Variants in TKT observed in about 807,000 individuals in gnomAD.
TKT encodes the protein transketolase.
Under a neutral mutation model 63.9 loss-of-function variants are expected in TKT, and 47 were observed. The ratio of observed to expected loss-of-function variants is 0.74; its 90% CI spans 0.58 to 0.94. The LOEUF is 0.94. TKT is among the 40% of genes least tolerant of loss of function. The pLI, the probability that TKT is intolerant of heterozygous loss-of-function variation, is 0.00. For synonymous variants in TKT, 338 were observed against 334.1 expected (o/e 1.01, Z -0.13); for missense variants, 721 against 846.2 (o/e 0.85, Z 1.84).
intron 9 of TKT, 62 bp downstream of exon 9, chr3:53,229,218 C>T (rs1272392526): frequency 6.2e-7 from 1 of 1,613,122 alleles, no homozygotes; most frequent in African/African-American, 1.3e-5. Context: ...CCATCCCCCT[C>T]CCATACCTCC....
At chr3:53,244,035 G>A (rs1461340466) in intron 1 of TKT, among the ~76,000 whole-genome samples, 2 of 152,184 alleles carry the variant, frequency 1.3e-5, no homozygotes, top group African/African-American at 2.4e-5. Context: ...TCTGTGTGTG[G>A]CAGAAGCACA....
At chr3:53,255,182 C>G (rs1705932099) in intron 1 of TKT, among the ~76,000 whole-genome samples, 1 of 152,272 alleles carries the variant, frequency 6.6e-6, no homozygotes, top group Non-Finnish European at 1.5e-5. Context: ...GGCGTCTCAG[C>G]AGCCCCCTGC....
intron 4 of TKT, chr3:53,238,064 G>C (rs1464091607): frequency 6.6e-6 from 1 of 152,282 alleles, no homozygotes; most frequent in Non-Finnish European, 1.5e-5. Context: ...TGCCTGGCCT[G>C]ACATGATAAT....
Position 53,235,153 on chromosome 3 carries a change from C to A in TKT, c.459G>T (p.Leu153=). The A allele has an allele frequency of 6.2e-7, 1 of 1,612,590 alleles. No individual in the cohort carries two copies. Among genetic ancestry groups the A allele is most frequent in the Non-Finnish European group, 8.5e-7 (1 of 1,179,382 alleles). Residue 153 remains leucine (L), a synonymous_variant, in exon 5 of 14, where the codon CTG becomes CTT. Transcript: ENST00000462138. ...AGCCCTCTGACAGCTCCCCGTCTCC[C>A]AGCAAGCAATAGACTCGGTAGCTGT... ...DKASYRVYCL[L]GDGELSEGSV... is the part of the protein sequence containing the mutation.
intron 4 of TKT, among the ~76,000 whole-genome samples, chr3:53,239,457 T>C (rs9284890): frequency 0.49 from 73,873 of 151,880 alleles, 18,396 homozygotes; most frequent in Admixed American, 0.57. Flanking sequence ...TACAGGTGTG[T>C]ACCACCATGC....
chr3:53,237,532 A>T (rs1206618461), intron 4 of TKT, among the ~76,000 whole-genome samples: 18 of 149,518 alleles, frequency 1.2e-4, no homozygotes, highest in Admixed American at 2.0e-4. Flanking sequence ...ACACACACAC[A>T]CACTGGGATT....
intron 5 of TKT, chr3:53,234,505 AC>A (rs1704919578): frequency 6.6e-6 from 1 of 152,584 alleles, no homozygotes; most frequent in Non-Finnish European, 1.5e-5. Context: ...TGAATTTGTA[AC>A]CAATCAAGGC....
At chr3:53,232,826 A>G (rs1704829133) in intron 6 of TKT, 1 of 411,046 alleles carries the variant, frequency 2.4e-6, no homozygotes. Flanking sequence ...GGCAGAGCAC[A>G]CACAGCTGCA....
At chr3:53,246,337 G>A (rs1242993429) in intron 1 of TKT, among the ~76,000 whole-genome samples, 1 of 152,110 alleles carries the variant, frequency 6.6e-6, no homozygotes, top group African/African-American at 2.4e-5. Context: ...GTTTGCAATT[G>A]CAAGACCTGG....
Position 53,225,139 on chromosome 3 carries a change from T to A in TKT, c.*617A>T, listed in dbSNP as rs17306163. Reference sequence around the variant, plus strand: ...GAGGGGGACAGTTCCACACTTGGGATTGAGGACCTCTCATGCCATCCTGAG... The same window carrying A: ...GAGGGGGACAGTTCCACACTTGGGAATGAGGACCTCTCATGCCATCCTGAG... On this transcript the variant is annotated 3_prime_UTR_variant, in exon 14 of 14. Coordinates refer to ENST00000462138, the MANE Select transcript of TKT (RefSeq NM_001064.4). The A allele has an allele frequency of 0.17, 25,667 of 152,232 alleles. 2,836 individuals carry two copies. Among genetic ancestry groups the A allele is most frequent in the Middle Eastern group, 0.25 (74 of 294 alleles). 9.4% of individuals were successfully genotyped at this position (152,232 alleles called of 1,614,324 possible).
intron 10 of TKT, 118 bp downstream of exon 10, chr3:53,228,889 C>G: frequency 2.8e-6 from 4 of 1,428,066 alleles, no homozygotes; most frequent in Non-Finnish European, 3.8e-6. Context: ...ACACGAACAC[C>G]AGGGGCAAGG....
Position 53,225,590 on chromosome 3 carries a change from TTC to T in TKT, c.*164_*165del. On this transcript the variant is annotated 3_prime_UTR_variant, in exon 14 of 14. Transcript: ENST00000462138. ...CTCCCTAGCGCACCCTCCACGCTTC[TTC>T]CCCAGAACCTGCACTGGCTGCAAAC... is the stretch of plus-strand genomic sequence containing the variant. The T allele has an allele frequency of 2.3e-6, 2 of 855,626 alleles. No individual in the cohort carries two copies. Among genetic ancestry groups the T allele is most frequent in the Non-Finnish European group, 3.4e-6 (2 of 585,986 alleles). 53.0% of individuals were successfully genotyped at this position (855,626 alleles called of 1,614,324 possible).
At chr3:53,238,411 CTG>C (rs1469036403) in intron 4 of TKT, among the ~76,000 whole-genome samples, 2 of 152,254 alleles carry the variant, frequency 1.3e-5, no homozygotes, top group East Asian at 1.9e-4. Flanking sequence ...TGAAAGCAAA[CTG>C]TGGTCAGGTG....
At chr3:53,228,781 T>C (rs2106662345) in intron 10 of TKT, 2 of 642,666 alleles carry the variant, frequency 3.1e-6, no homozygotes, top group South Asian at 3.8e-5. Flanking sequence ...CTGCCAGGAT[T>C]CTCAGCAGAG....
chr3:53,242,293 G>C (rs1553680102), intron 1 of TKT, 51 bp from the exon 2 acceptor site: 2 of 1,564,400 alleles, frequency 1.3e-6, no homozygotes, highest in Non-Finnish European at 1.8e-6. Flanking sequence ...CTGCACTCCT[G>C]AGCTATTGTG....
chr3:53,241,373 A>G (rs557994479), intron 2 of TKT, 128 bp from the exon 3 acceptor site: 2 of 735,370 alleles, frequency 2.7e-6, no homozygotes, highest in East Asian at 3.2e-5. Context: ...CAGGGGAGGA[A>G]GCAAGTGAAG....
intron 7 of TKT, 32 bp from the exon 8 acceptor site, chr3:53,230,653 C>A: frequency 6.2e-7 from 1 of 1,613,190 alleles, no homozygotes; most frequent in Non-Finnish European, 8.5e-7. Flanking sequence ...GGCTCTGGAC[C>A]CCTCTGAGGG....
chr3:53,233,075 C>T (rs1396262621), intron 6 of TKT, 81 bp downstream of exon 6: 9 of 1,238,732 alleles, frequency 7.3e-6, no homozygotes, highest in Middle Eastern at 4.2e-4. Flanking sequence ...GGCTGTTTCC[C>T]TGGATGTGCG....
chr3:53,231,511 G>C lies in TKT; in HGVS notation c.788C>G (p.Pro263Arg), dbSNP rs183821009. 1 of 1,614,004 alleles carries C rather than the reference G, an allele frequency of 6.2e-7. No individual in the cohort carries two copies. Among genetic ancestry groups the C allele is most frequent in the African/African-American group, 1.3e-5 (1 of 74,912 alleles). Residue 263 changes from proline (P) to arginine (R), a missense_variant, in exon 7 of 14, where the codon CCC becomes CGC. Pro to Arg is a moderately radical substitution (Grantham distance 103). Coordinates refer to ENST00000462138, the MANE Select transcript of TKT (RefSeq NM_001064.4). ...DKESWHGKPL[P>R]KNMAEQIIQE... ...GATGATCTGCTCAGCCATGTTTTTG[G>C]GGAGGGGCTTCCCATGCCAAGACTC... is the stretch of plus-strand genomic sequence containing the variant.
Sources: allele counts gnomAD v4.1 joint callset (sites outside exome capture counted in the v4.1 genomes callset), GRCh38; gene constraint gnomAD v4.1.1; transcripts MANE v1.5; gene names NCBI Gene and HGNC (gene_info 2026-07-23, HGNC 2026-07-21).